BDP1: variants seen among roughly 807,000 people sequenced by gnomAD.
BDP1 encodes transcription factor TFIIIB component B'' homolog.
In BDP1, 169 loss-of-function variants were observed where a neutral mutation model predicts 266.6. The observed-to-expected ratio is 0.63, with a 90% CI of 0.56 to 0.72. The LOEUF (loss-of-function observed/expected upper bound fraction) is 0.72, where lower values mean the gene tolerates loss of function less well. BDP1 is among the 30% of genes least tolerant of loss of function. The pLI is 0.00. For missense variants in BDP1, 3,015 were observed against 3,053.8 expected, an observed-to-expected ratio of 0.99 and a Z score of 0.30; for synonymous variants, 1,090 against 1,022.4, an observed-to-expected ratio of 1.07 and a Z score of -1.26.
intron 19 of BDP1, among the ~76,000 whole-genome samples, chr5:71,514,137 A>C (rs2150484538): frequency 6.6e-6 from 1 of 152,296 alleles, no homozygotes; most frequent in Non-Finnish European, 1.5e-5. Flanking sequence ...ACAGATTAAG[A>C]TTGTGTGACA....
At position 71,464,116 on chromosome 5, in the gene BDP1, G is replaced by A. The variant is rs1761748481; in HGVS notation, c.658G>A (p.Glu220Lys). 2 of 1,554,980 alleles carry A rather than the reference G, an allele frequency of 1.3e-6. No homozygotes were observed. Among genetic ancestry groups the A allele is most frequent in the African/African-American group, 1.4e-5 (1 of 72,650 alleles). Residue 220 changes from glutamate to lysine, a missense_variant and splice_region_variant, in exon 4 of 39, where the codon GAG becomes AAG. Physicochemically the swap from Glu to Lys is moderately conservative, Grantham distance 56. Transcript: ENST00000358731. ...EKPSTPVQTR[E>K]QEGKSTPNAE... ...GCCATCGACTCCAGTCCAGACAAGA[G>A]AGTAAGTATTTTATTTTTGAATATA...
chr5:71,522,984 G>A (rs1554121255), intron 24 of BDP1, 35 bp downstream of exon 24: 1 of 1,518,780 alleles, frequency 6.6e-7, no homozygotes, highest in Non-Finnish European at 8.8e-7. Context: ...TTCACAATAA[G>A]AAATAAAAAT....
intron 14 of BDP1, among the ~76,000 whole-genome samples, chr5:71,501,944 C>G (rs1764264633): frequency 1.3e-5 from 2 of 152,142 alleles, no homozygotes; most frequent in Non-Finnish European, 2.9e-5. Context: ...GAATATTTAA[C>G]TTGAAATAGA....
intron 25 of BDP1, among the ~76,000 whole-genome samples, chr5:71,529,322 A>G (rs1411578303): frequency 3.3e-5 from 5 of 152,042 alleles, no homozygotes; most frequent in Admixed American, 2.0e-4. Context: ...ACCAGAAGGC[A>G]ATGGTTGTGG....
intron 13 of BDP1, among the ~76,000 whole-genome samples, chr5:71,501,063 C>T (rs987782870): frequency 6.7e-6 from 1 of 150,262 alleles, no homozygotes; most frequent in African/African-American, 2.5e-5. Context: ...TGTCACTGTA[C>T]TCTAGCCTGG....
intron 25 of BDP1, among the ~76,000 whole-genome samples, chr5:71,525,981 C>G (rs1164200606): frequency 2.0e-5 from 3 of 152,070 alleles, no homozygotes; most frequent in Admixed American, 6.5e-5. Flanking sequence ...AGAGGCTCCT[C>G]ACATCCCAGA....
chr5:71,510,453 A>T lies in BDP1; in HGVS notation c.3361A>T (p.Thr1121Ser). The T allele has an allele frequency of 1.2e-6, 2 of 1,613,856 alleles. No homozygotes were observed. Among genetic ancestry groups the T allele is most frequent in the South Asian group, 2.2e-5 (2 of 91,070 alleles). Residue 1121 changes from threonine to serine, a missense_variant, in exon 17 of 39, where the codon ACC (threonine) becomes TCC (serine). Transcript: ENST00000358731. The stretch of plus-strand genomic sequence containing the variant: ...TGAAATGCAAACAGATTTGAAAGCA[A>T]CCGGAAGGGAGATTTCCCCAAGGGA... Reference protein sequence around the residue: ...LGEMQTDLKATGREISPREKT... With the variant: ...LGEMQTDLKASGREISPREKT...
chr5:71,485,195 C>T (rs1580044844), intron 8 of BDP1, among the ~76,000 whole-genome samples: 1 of 152,190 alleles, frequency 6.6e-6, no homozygotes, highest in Non-Finnish European at 1.5e-5. Flanking sequence ...CCTATAGGCC[C>T]AGCTACTCTC....
At chr5:71,552,499 G>C (rs1276810111) in intron 34 of BDP1, among the ~76,000 whole-genome samples, 6 of 152,264 alleles carry the variant, frequency 3.9e-5, no homozygotes, top group Admixed American at 6.5e-5. Flanking sequence ...AGCGAGCCGA[G>C]ATCACGCCAC....
chr5:71,551,514 T>A (rs1324087196), intron 34 of BDP1, among the ~76,000 whole-genome samples: 1 of 152,232 alleles, frequency 6.6e-6, no homozygotes, highest in Non-Finnish European at 1.5e-5. Flanking sequence ...TCTACTTCTT[T>A]CTACACAGAC....
chr5:71,501,963 A>G lies in BDP1; in HGVS notation c.2048+310A>G, dbSNP rs537491193. Among the ~76,000 whole-genome samples the G allele has an allele frequency of 1.1e-4, 16 of 152,294 alleles. 1 individual carries two copies. In the South Asian group the frequency reaches 2.5e-3, roughly 24 times the overall value. On this transcript the variant is annotated intron_variant, in intron 14 of 38. Transcript: ENST00000358731. ...ATTTAACTTGAAATAGAAATCTAAA[A>G]TAGAATGTGAATCTGACTGGTGGAT...
rs1763104313 is a variant in BDP1 at position 71,483,871 on chromosome 5, T to C, written c.1044T>C (p.Asn348=). Residue 348 remains asparagine, a synonymous_variant, in exon 8 of 39, where the codon AAT becomes AAC. Coordinates refer to ENST00000358731, the MANE Select transcript of BDP1 (RefSeq NM_018429.3). The part of the protein sequence containing the change: ...KNKFKREEKT[N]GWRIDKAFQE... Reference sequence around the variant, plus strand: ...AATTTAAACGGGAAGAGAAAACAAATGGATGGAGAATAGACAAAGCATTCC... The same window carrying C: ...AATTTAAACGGGAAGAGAAAACAAACGGATGGAGAATAGACAAAGCATTCC... 6.2e-7 allele frequency: 1 copy of C among 1,611,470 alleles called. No individual in the cohort carries two copies. The highest frequency in any genetic ancestry group is 8.5e-7 in the Non-Finnish European group (1 of 1,178,072).
chr5:71,517,324 A>G lies in BDP1; in HGVS notation c.4863A>G (p.Ser1621=). 6.3e-7 allele frequency: 1 copy of G among 1,597,146 alleles called. No homozygotes were observed. Among genetic ancestry groups the G allele is most frequent in the Non-Finnish European group, 8.5e-7 (1 of 1,174,970 alleles). The part of the protein sequence containing the change: ...DETEKKVLTV[S]NSQIETEIEV... ...CTAATATGATTTTGTCTTTTCAGTC[A>G]AATTCTCAAATTGAAACTGAAATTG... The change falls in exon 22 of 39, where the codon TCA becomes TCG. Residue 1621 remains serine (S), a splice_region_variant and synonymous_variant. Transcript: ENST00000358731.
At chr5:71,573,747 A>AT in the BDP1 span, among the ~76,000 whole-genome samples, 3 of 152,224 alleles carry the variant, frequency 2.0e-5, no homozygotes, top group African/African-American at 7.2e-5. Flanking sequence ...AAAGGCCCTT[A>AT]TTCAGACCTG....
chr5:71,569,533 G>A (rs934559669), downstream of BDP1, among the ~76,000 whole-genome samples: 1 of 152,164 alleles, frequency 6.6e-6, no homozygotes, highest in African/African-American at 2.4e-5. Flanking sequence ...GATCGCTTGA[G>A]CCCAGGAGTT....
chr5:71,564,557 G>T (rs1743907533), intron 38 of BDP1, among the ~76,000 whole-genome samples, 197 bp from the exon 39 acceptor site: 1 of 151,826 alleles, frequency 6.6e-6, no homozygotes, highest in Non-Finnish European at 1.5e-5. Flanking sequence ...CTATGTTTAG[G>T]ATTATTTACT....
downstream of BDP1, among the ~76,000 whole-genome samples, chr5:71,572,775 C>T (rs10077085): frequency 2.8e-4 from 42 of 152,136 alleles, no homozygotes; most frequent in East Asian, 6.2e-3. Context: ...ATTAAAACAG[C>T]CTCATGAAAA....
Position 71,497,434 on chromosome 5 carries a change from G to T in BDP1, c.1956+8G>T, listed in dbSNP as rs760041093. The T allele has an allele frequency of 2.0e-5, 32 of 1,575,644 alleles. No homozygotes were observed. The highest frequency in any genetic ancestry group is 2.7e-5 in the Non-Finnish European group (32 of 1,165,180). On this transcript the variant is annotated splice_region_variant and intron_variant, in intron 13 of 38. Coordinates refer to ENST00000358731, the MANE Select transcript of BDP1 (RefSeq NM_018429.3). ...AAAACTTCAGTTGAAAAGGTATGGG[G>T]TAAGAGATTTCATGGAAATTAAAAT... is the stretch of plus-strand genomic sequence containing the variant.
intron 7 of BDP1, among the ~76,000 whole-genome samples, chr5:71,478,461 C>G (rs113770242): frequency 0.012 from 1,784 of 152,214 alleles, 10 homozygotes; most frequent in Admixed American, 0.021. Context: ...TTTCATTTAT[C>G]TGAATGTTTT....
Sources: allele counts gnomAD v4.1 joint callset (sites outside exome capture counted in the v4.1 genomes callset), GRCh38; gene constraint gnomAD v4.1.1; transcripts MANE v1.5; gene names NCBI Gene and HGNC (gene_info 2026-07-23, HGNC 2026-07-21).